USP31: variants seen among roughly 807,000 people sequenced by gnomAD.
USP31 encodes ubiquitin carboxyl-terminal hydrolase 31.
Under a neutral mutation model 119.4 loss-of-function variants are expected in USP31, and 44 were observed. The ratio of observed to expected loss-of-function variants is 0.37; its 90% CI spans 0.29 to 0.47. The LOEUF (loss-of-function observed/expected upper bound fraction) is 0.47, where lower values mean the gene tolerates loss of function less well. USP31 is among the 20% of genes least tolerant of loss of function. The pLI is 0.99. For missense variants in USP31, 1,643 were observed against 1,730.2 expected (o/e 0.95, Z 0.89); for synonymous variants, 749 against 705.6 (o/e 1.06, Z -0.97).
chr16:23,112,427 T>C (rs1335980344), intron 1 of USP31, among the ~76,000 whole-genome samples: 1 of 151,256 alleles, frequency 6.6e-6, no homozygotes, highest in African/African-American at 2.4e-5. Context: ...AACACAAAAT[T>C]AGTCAGGCGT....
At position 23,063,321 on chromosome 16, in the gene USP31, G is replaced by A. The variant is rs567834456; in HGVS notation, c.*4725C>T. 1 of 152,440 alleles carries A rather than the reference G, an allele frequency of 6.6e-6. No individual in the cohort carries two copies. Among genetic ancestry groups the A allele is most frequent in the African/African-American group, 2.4e-5 (1 of 41,570 alleles). The allele number at this position is 152,440 out of a possible 1,614,324, so 9.4% of individuals were successfully genotyped here. ...GAAATTCCATGGGCTTAGTCTAATTGTGATCAGTGGCTGGGAAGCCCCAAA... is the reference window on the plus strand; with the variant it reads ...GAAATTCCATGGGCTTAGTCTAATTATGATCAGTGGCTGGGAAGCCCCAAA... On this transcript the variant is annotated 3_prime_UTR_variant, in exon 16 of 16. Coordinates refer to ENST00000219689, the MANE Select transcript of USP31 (RefSeq NM_020718.4).
chr16:23,078,615 T>C (rs1209014994), intron 13 of USP31, among the ~76,000 whole-genome samples: 2 of 152,150 alleles, frequency 1.3e-5, no homozygotes, highest in African/African-American at 4.8e-5. Context: ...GATGTGGGAC[T>C]CCTTTTTAAA....
intron 6 of USP31, among the ~76,000 whole-genome samples, chr16:23,092,023 C>G (rs933909978): frequency 9.9e-5 from 15 of 152,152 alleles, no homozygotes; most frequent in African/African-American, 3.6e-4. Context: ...TAAGGGGATG[C>G]CACATTGTCA....
At chr16:23,115,073 C>T (rs775651682) in intron 1 of USP31, among the ~76,000 whole-genome samples, 2 of 152,184 alleles carry the variant, frequency 1.3e-5, no homozygotes, top group Non-Finnish European at 2.9e-5. Flanking sequence ...ACCTGTGATT[C>T]GAATCCTGGT....
intron 1 of USP31, among the ~76,000 whole-genome samples, chr16:23,127,264 C>CA (rs991654309): frequency 2.0e-5 from 3 of 151,722 alleles, no homozygotes; most frequent in Admixed American, 1.3e-4. Context: ...AGTATCTCTA[C>CA]AAAAAATAAA....
chr16:23,092,842 G>A (rs568097001), intron 6 of USP31, among the ~76,000 whole-genome samples: 2 of 152,252 alleles, frequency 1.3e-5, no homozygotes, highest in African/African-American at 4.8e-5. Context: ...ATCAGAAACT[G>A]GAGGTGCCAG....
At chr16:23,113,150 GAC>G (rs997744438) in intron 1 of USP31, among the ~76,000 whole-genome samples, 16 of 152,194 alleles carry the variant, frequency 1.1e-4, no homozygotes, top group African/African-American at 3.6e-4. Context: ...GAAAGCAGAT[GAC>G]ACCAAGGTCT....
chr16:23,103,937 T>TACAA lies in USP31; in HGVS notation c.1090-1478_1090-1475dup, dbSNP rs957317823. 3.3e-5 allele frequency among the ~76,000 whole-genome samples: 5 copies of TACAA among 152,098 alleles called. No individual in the cohort carries two copies. The South Asian group carries it at 6.2e-4, about 19-fold the overall frequency. On this transcript the variant is annotated intron_variant, in intron 5 of 15. Coordinates refer to ENST00000219689, the MANE Select transcript of USP31 (RefSeq NM_020718.4). Reference sequence around the variant, plus strand: ...CTCAATCAATCCATACATACATACATACAAACAAACAAACAAAACAGAAAA... The same window carrying TACAA: ...CTCAATCAATCCATACATACATACATACAAACAAACAAACAAACAAAACAGAAAA...
At chr16:23,094,463 G>A (rs1901512533) in intron 6 of USP31, among the ~76,000 whole-genome samples, 1 of 152,188 alleles carries the variant, frequency 6.6e-6, no homozygotes, top group Non-Finnish European at 1.5e-5. Context: ...CAGACTTAAA[G>A]GTCCTTGTCT....
intron 1 of USP31, among the ~76,000 whole-genome samples, chr16:23,125,011 C>T (rs544333163): frequency 2.0e-5 from 3 of 152,316 alleles, no homozygotes; most frequent in African/African-American, 7.2e-5. Flanking sequence ...TTCTCATCAG[C>T]ACTTAACTAT....
chr16:23,068,329 ACAGAG>A lies in USP31; in HGVS notation c.3771_3775del (p.Ser1258Ter). 1 of 1,614,166 alleles carries A rather than the reference ACAGAG, an allele frequency of 6.2e-7. No individual in the cohort carries two copies. The highest frequency in any genetic ancestry group is 8.5e-7 in the Non-Finnish European group (1 of 1,180,002). ...CCCGGTGTTCTTACAGACAGACTTA[ACAGAG>A]CTCCCACCAGCCTTTTTAGAGAGCA... On this transcript the variant is annotated frameshift_variant, in exon 16 of 16. Transcript: ENST00000219689. LOFTEE classifies it high-confidence loss of function.
At chr16:23,145,358 T>G (rs940175399) in intron 1 of USP31, among the ~76,000 whole-genome samples, 7 of 152,184 alleles carry the variant, frequency 4.6e-5, no homozygotes, top group African/African-American at 1.7e-4. Context: ...CACTGACGCA[T>G]GAGAAGCGCT....
rs1281724782 is a variant in USP31, at chr16:23,120,939, A to G, written c.634-12756T>C. 2.0e-5 allele frequency among the ~76,000 whole-genome samples: 3 copies of G among 152,090 alleles called. No individual in the cohort carries two copies. In the East Asian group the frequency reaches 5.8e-4, roughly 29 times the overall value. ...AAACACACACAGATTATATATACAC[A>G]CACAAGAGGCAAAATCCTCTTGATT... On this transcript the variant is annotated intron_variant, in intron 1 of 15. Transcript: ENST00000219689.
chr16:23,110,328 A>T (rs1902266116), intron 1 of USP31, among the ~76,000 whole-genome samples: 1 of 152,250 alleles, frequency 6.6e-6, no homozygotes, highest in African/African-American at 2.4e-5. Context: ...ACAGACAAGA[A>T]ACCCTTCCAG....
intron 1 of USP31, among the ~76,000 whole-genome samples, chr16:23,138,059 G>A (rs1903246409): frequency 6.6e-6 from 1 of 152,188 alleles, no homozygotes; most frequent in Non-Finnish European, 1.5e-5. Flanking sequence ...GTGTTCCAGA[G>A]TAAGAGCATG....
At chr16:23,077,417 T>C (rs1230990929) in intron 13 of USP31, among the ~76,000 whole-genome samples, 1 of 152,116 alleles carries the variant, frequency 6.6e-6, no homozygotes, top group Non-Finnish European at 1.5e-5. Context: ...ACCCCGGCCC[T>C]CCTGGAAGGG....
At chr16:23,077,354 G>A (rs1900621015) in intron 13 of USP31, among the ~76,000 whole-genome samples, 1 of 152,138 alleles carries the variant, frequency 6.6e-6, no homozygotes, top group Non-Finnish European at 1.5e-5. Flanking sequence ...TAAAGAACTT[G>A]AACTAAAAGG....
intron 1 of USP31, among the ~76,000 whole-genome samples, chr16:23,113,127 C>CG (rs1419913275): frequency 2.6e-5 from 4 of 151,976 alleles, no homozygotes; most frequent in Admixed American, 6.6e-5. Flanking sequence ...ACTATACTGA[C>CG]GGATCGAAAG....
At chr16:23,106,552 T>C in intron 2 of USP31, 65 bp from the exon 3 acceptor site, 1 of 1,452,662 alleles carries the variant, frequency 6.9e-7, no homozygotes, top group Non-Finnish European at 9.4e-7. Context: ...AAGATGAAGC[T>C]AGAGAATCAC....
Sources: allele counts gnomAD v4.1 joint callset (sites outside exome capture counted in the v4.1 genomes callset), GRCh38; gene constraint gnomAD v4.1.1; transcripts MANE v1.5; gene names NCBI Gene and HGNC (gene_info 2026-07-23, HGNC 2026-07-21).